The following SET variants were observed in gnomAD, a reference collection of about 807,000 sequenced individuals.
SET encodes the protein SET nuclear proto-oncogene.
A neutral mutation model predicts 39.0 loss-of-function variants in SET; 4 were observed. The ratio of observed to expected loss-of-function variants is 0.10; its 90% CI spans 0.05 to 0.23. The LOEUF (loss-of-function observed/expected upper bound fraction) is 0.23. SET is among the 10% of genes least tolerant of loss of function. The pLI is 1.00. For synonymous variants in SET, 114 were observed against 115.9 expected (o/e 0.98, Z 0.11); for missense variants, 137 against 329.7 (o/e 0.42, Z 4.53).
chr9:128,692,276 G>T, intron 3 of SET: 1 of 326,278 alleles, frequency 3.1e-6, no homozygotes, highest in South Asian at 4.6e-5. Flanking sequence ...TGTAATCCCA[G>T]CTACTCGCTA....
chr9:128,689,557 TCC>T lies in SET; in HGVS notation c.-19_-18del, dbSNP rs757604683. On this transcript the variant is annotated 5_prime_UTR_variant, in exon 1 of 8. Transcript: ENST00000322030. ...CCTTCCCTTCTCTCCCCCTCCCCGCTCCCCCCCCGACCGCGGAGCAGCACCAT... is the reference window on the plus strand; with the variant it reads ...CCTTCCCTTCTCTCCCCCTCCCCGCTCCCCCCGACCGCGGAGCAGCACCAT... The T allele has an allele frequency of 2.7e-6, 3 of 1,098,972 alleles. No homozygotes were observed. Among genetic ancestry groups the T allele is most frequent in the South Asian group, 4.1e-5 (2 of 48,992 alleles). The allele number at this position is 1,098,972 out of a possible 1,614,324, so 68.1% of individuals were successfully genotyped here. A position where few individuals can be genotyped will look rare whatever the true frequency, so the allele number is the denominator to read the frequency against.
chr9:128,696,279 ACAAC>A lies in SET; in HGVS notation c.*1617_*1620del, dbSNP rs1861736863. The A allele has an allele frequency of 5.1e-6, 1 of 197,478 alleles. No homozygotes were observed. Among genetic ancestry groups the A allele is most frequent in the Admixed American group, 6.0e-5 (1 of 16,712 alleles). The allele number at this position is 197,478 out of a possible 1,614,324, so 12.2% of individuals were successfully genotyped here. A position where few individuals can be genotyped will look rare whatever the true frequency, so the allele number is the denominator to read the frequency against. On this transcript the variant is annotated 3_prime_UTR_variant, in exon 8 of 8. Transcript: ENST00000322030. ...TATTCCATCAATAGGCAAAAGTGTAACAACCTATCTAGATGGATAGTATGTAATT... is the reference window on the plus strand; with the variant it reads ...TATTCCATCAATAGGCAAAAGTGTAACTATCTAGATGGATAGTATGTAATT...
In SET at chr9:128,694,059, C is replaced by A. The variant is rs771477951; in HGVS notation, c.810+17C>A. ...GAAGGAGAGGTAAAAGAAAATTTGG[C>A]TAAACCCACAAAGATAACTTTTAAA... On this transcript the variant is annotated intron_variant, in intron 7 of 7. Transcript: ENST00000322030. 19 of 1,495,742 alleles carry A rather than the reference C, an allele frequency of 1.3e-5. No individual in the cohort carries two copies. In the South Asian group the frequency reaches 2.4e-4, roughly 19 times the overall value. 92.7% of individuals were successfully genotyped at this position (1,495,742 alleles called of 1,614,324 possible). A position where few individuals can be genotyped will look rare whatever the true frequency, so the allele number is the denominator to read the frequency against.
At position 128,694,563 on chromosome 9, in the gene SET, C is replaced by T. The variant is rs367656600; in HGVS notation, c.811-78C>T. 6.1e-5 allele frequency: 58 copies of T among 948,652 alleles called. No homozygotes were observed. In the African/African-American group the frequency reaches 6.8e-4, roughly 11 times the overall value. The allele number at this position is 948,652 out of a possible 1,614,324, so 58.8% of individuals were successfully genotyped here. Reference sequence around the variant, plus strand: ...AAACTGGAGTGCCCCCAGGGGCACTCGTGGGGTCCATTGTGGTCCATATGA... The same window carrying T: ...AAACTGGAGTGCCCCCAGGGGCACTTGTGGGGTCCATTGTGGTCCATATGA... On this transcript the variant is annotated intron_variant, in intron 7 of 7. Coordinates refer to ENST00000322030, the MANE Select transcript of SET (RefSeq NM_003011.4).
At chr9:128,684,986 G>T, upstream of SET, 1 of 1,427,902 alleles carries the variant, frequency 7.0e-7, no homozygotes, top group Non-Finnish European at 9.2e-7. Flanking sequence ...CATAGGGGAG[G>T]GTTGTGGTGG....
At chr9:128,684,597 C>T (rs961963199), upstream of SET, among the ~76,000 whole-genome samples, 4 of 152,086 alleles carry the variant, frequency 2.6e-5, no homozygotes, top group African/African-American at 9.7e-5. Context: ...AACCCGGTCC[C>T]CGCCGACCTC....
In SET at chr9:128,689,359, G is replaced by A. The variant is rs1861410096; in HGVS notation, c.-224G>A. 12 of 1,038,226 alleles carry A rather than the reference G, an allele frequency of 1.2e-5. No homozygotes were observed. The highest frequency in any genetic ancestry group is 1.4e-5 in the Non-Finnish European group (12 of 856,488). 64.3% of individuals were successfully genotyped at this position (1,038,226 alleles called of 1,614,324 possible). On this transcript the variant is annotated 5_prime_UTR_variant, in exon 1 of 8. Coordinates refer to ENST00000322030, the MANE Select transcript of SET (RefSeq NM_003011.4). ...GCCTCCCCTCCGCGAACAGGAGCCC[G>A]GGCCGGGGCCCGGCACGCCGCCCCA...
At chr9:128,694,247 T>G (rs1861650210) in intron 7 of SET, among the ~76,000 whole-genome samples, 1 of 151,962 alleles carries the variant, frequency 6.6e-6, no homozygotes, top group Admixed American at 6.6e-5. Flanking sequence ...TGGTTTTTTT[T>G]TGGGTTTTTT....
At chr9:128,692,139 C>T (rs912249997) in intron 3 of SET, 139 bp downstream of exon 3, 6 of 1,034,010 alleles carry the variant, frequency 5.8e-6, no homozygotes, top group Middle Eastern at 2.1e-4. Context: ...GTAATCCCAG[C>T]ACTTTGGGAG....
At chr9:128,687,328 C>T (rs905371621), upstream of SET, among the ~76,000 whole-genome samples, 8 of 151,846 alleles carry the variant, frequency 5.3e-5, no homozygotes, top group African/African-American at 1.5e-4. Flanking sequence ...GATAGTGGGC[C>T]GAGCTCAGTG....
Position 128,689,364 on chromosome 9 carries a change from G to A in SET, c.-219G>A, listed in dbSNP as rs892771159. On this transcript the variant is annotated 5_prime_UTR_variant, in exon 1 of 8. Coordinates refer to ENST00000322030, the MANE Select transcript of SET (RefSeq NM_003011.4). ...CCCTCCGCGAACAGGAGCCCGGGCCGGGGCCCGGCACGCCGCCCCAGCCCG... is the reference window on the plus strand; with the variant it reads ...CCCTCCGCGAACAGGAGCCCGGGCCAGGGCCCGGCACGCCGCCCCAGCCCG... 57 of 1,024,544 alleles carry A rather than the reference G, an allele frequency of 5.6e-5. 1 individual carries two copies. The African/African-American group carries it at 8.7e-4, about 16-fold the overall frequency. 63.5% of individuals were successfully genotyped at this position (1,024,544 alleles called of 1,614,324 possible).
upstream of SET, chr9:128,683,633 GC>G: frequency 2.5e-6 from 1 of 399,072 alleles, no homozygotes; most frequent in Non-Finnish European, 4.6e-6. Context: ...GGAAGAACTT[GC>G]CCCCTCCCCC....
At position 128,694,798 on chromosome 9, in the gene SET, T is replaced by TAAAAG. The variant is rs1271016193; in HGVS notation, c.*134_*135insAAAAG. On this transcript the variant is annotated 3_prime_UTR_variant, in exon 8 of 8. Coordinates refer to ENST00000322030, the MANE Select transcript of SET (RefSeq NM_003011.4). ...GTCGCCCTGTTCTTGAGGTCTCTTT[T>TAAAAG]CTCTACTCCATGGTTCTCAATTTAT... The TAAAAG allele has an allele frequency of 1.8e-6, 1 of 544,048 alleles. No individual in the cohort carries two copies. The highest frequency in any genetic ancestry group is 3.2e-6 in the Non-Finnish European group (1 of 315,832). The allele number at this position is 544,048 out of a possible 1,614,324, so 33.7% of individuals were successfully genotyped here.
chr9:128,691,305 C>A, intron 2 of SET, 78 bp downstream of exon 2: 2 of 870,418 alleles, frequency 2.3e-6, no homozygotes, highest in South Asian at 2.9e-5. Context: ...AAGCTATGGT[C>A]AAATCTATCC....
Position 128,689,236 on chromosome 9 carries a change from G to A in SET, c.-347G>A, listed in dbSNP as rs1014268106. The A allele has an allele frequency of 2.0e-6, 2 of 999,158 alleles. No individual in the cohort carries two copies. Among genetic ancestry groups the A allele is most frequent in the Non-Finnish European group, 2.4e-6 (2 of 838,446 alleles). 61.9% of individuals were successfully genotyped at this position (999,158 alleles called of 1,614,324 possible). ...CCTGCGCCCGCCCCTCGCCGTAGGA[G>A]GAGGTGGAGGAGGAGGCGGCTCGGG... On this transcript the variant is annotated 5_prime_UTR_variant, in exon 1 of 8. Coordinates refer to ENST00000322030, the MANE Select transcript of SET (RefSeq NM_003011.4).
At chr9:128,694,489 C>T (rs941952638) in intron 7 of SET, 152 bp from the exon 8 acceptor site, 1 of 530,650 alleles carries the variant, frequency 1.9e-6, no homozygotes, top group African/African-American at 2.0e-5. Context: ...TAATCTGAAG[C>T]AACATCATCA....
rs751027418 is a variant in SET at position 128,693,901 on chromosome 9, C to T, written c.669C>T (p.Pro223=). The T allele has an allele frequency of 1.6e-5, 25 of 1,591,536 alleles. No individual in the cohort carries two copies. Among genetic ancestry groups the T allele is most frequent in the East Asian group, 9.0e-5 (4 of 44,646 alleles). ...TGTGCTTTTTTTTTTTTAAGGTTCC[C>T]GATATGGATGATGAAGAAGGAGAAG... is the stretch of plus-strand genomic sequence containing the variant. ...WPNPLQYYLV[P]DMDDEEGEGE... The change falls in exon 7 of 8, where the codon CCC becomes CCT. Residue 223 remains proline (P), a synonymous_variant. Coordinates refer to ENST00000322030, the MANE Select transcript of SET (RefSeq NM_003011.4).
In SET at chr9:128,689,588, G is replaced by C; in HGVS notation, c.6G>C (p.Ser2=). Residue 2 remains serine, a synonymous_variant, in exon 1 of 8, where the codon TCG becomes TCC. Transcript: ENST00000322030. Reference sequence around the variant, plus strand: ...CCCGACCGCGGAGCAGCACCATGTCGGCGCCGGCGGCCAAAGTCAGTAAAA... The same window carrying C: ...CCCGACCGCGGAGCAGCACCATGTCCGCGCCGGCGGCCAAAGTCAGTAAAA... M[S]APAAKVSKKE... is the part of the protein sequence containing the mutation. 3 of 1,368,182 alleles carry C rather than the reference G, an allele frequency of 2.2e-6. No homozygotes were observed. The highest frequency in any genetic ancestry group is 3.2e-5 in the East Asian group (1 of 31,392). 84.8% of individuals were successfully genotyped at this position (1,368,182 alleles called of 1,614,324 possible).
At chr9:128,689,148 G>A (rs1861394270), upstream of SET, 1 of 481,184 alleles carries the variant, frequency 2.1e-6, no homozygotes, top group Non-Finnish European at 2.7e-6. Context: ...GGCCAATGGC[G>A]CCGCGGCGCG....
Sources: allele counts gnomAD v4.1 joint callset (sites outside exome capture counted in the v4.1 genomes callset), GRCh38; gene constraint gnomAD v4.1.1; transcripts MANE v1.5; gene names NCBI Gene and HGNC (gene_info 2026-07-23, HGNC 2026-07-21).